Variants in WDFY3 observed in about 807,000 individuals in gnomAD.
The protein encoded by WDFY3 is WD repeat and FYVE domain containing 3.
WDFY3 carries 66 observed loss-of-function variants against 409.6 expected under a neutral mutation model. The ratio of observed to expected loss-of-function variants is 0.16; its 90% CI spans 0.13 to 0.20. The LOEUF (loss-of-function observed/expected upper bound fraction) is 0.20, where lower values mean the gene tolerates loss of function less well. Ranked by LOEUF, WDFY3 falls within the 10% of genes least tolerant of loss-of-function variation. WDFY3 has a pLI of 1.00. For synonymous variants in WDFY3, 1,521 were observed against 1,537.1 expected, an observed-to-expected ratio of 0.99 and a Z score of 0.25; for missense variants, 3,031 against 4,298.1, an observed-to-expected ratio of 0.71 and a Z score of 8.24.
At chr4:84,949,958 T>C (rs768364310) in intron 1 of WDFY3, among the ~76,000 whole-genome samples, 2 of 152,214 alleles carry the variant, frequency 1.3e-5, no homozygotes, top group African/African-American at 4.8e-5. Flanking sequence ...CGTATGTTTA[T>C]TGCAGCACTA....
chr4:84,863,913 T>C (rs1426132721), intron 3 of WDFY3, among the ~76,000 whole-genome samples: 1 of 152,194 alleles, frequency 6.6e-6, no homozygotes, highest in Non-Finnish European at 1.5e-5. Flanking sequence ...TCTGTTTTCA[T>C]GCCAGTACCA....
intron 3 of WDFY3, among the ~76,000 whole-genome samples, chr4:84,884,563 T>C (rs917943913): frequency 2.0e-5 from 3 of 152,154 alleles, no homozygotes; most frequent in Non-Finnish European, 4.4e-5. Flanking sequence ...AATACATATA[T>C]CTCAAGGATC....
chr4:84,673,959 A>C, intron 67 of WDFY3, among the ~76,000 whole-genome samples: 1 of 152,138 alleles, frequency 6.6e-6, no homozygotes, highest in East Asian at 1.9e-4. Flanking sequence ...CTACCAGTAA[A>C]AATGTCCAGA....
intron 23 of WDFY3, 42 bp from the exon 24 acceptor site, chr4:84,786,181 C>T: frequency 6.5e-7 from 1 of 1,535,892 alleles, no homozygotes; most frequent in Non-Finnish European, 8.7e-7. Flanking sequence ...ATCAGTAGTT[C>T]TCATCTTAAA....
chr4:84,874,009 G>A (rs1762454485), intron 3 of WDFY3, among the ~76,000 whole-genome samples: 1 of 151,612 alleles, frequency 6.6e-6, no homozygotes, highest in African/African-American at 2.4e-5. Context: ...TCGCACTCCT[G>A]GACTCAAGCA....
chr4:84,934,533 A>G (rs1355118877), intron 1 of WDFY3, among the ~76,000 whole-genome samples: 4 of 152,170 alleles, frequency 2.6e-5, no homozygotes, highest in African/African-American at 7.2e-5. Context: ...GAAAGCTTTA[A>G]AACAAGATAA....
chr4:84,847,708 AG>A (rs1758282952), intron 5 of WDFY3, among the ~76,000 whole-genome samples: 1 of 136,830 alleles, frequency 7.3e-6, no homozygotes, highest in East Asian at 2.5e-4. Context: ...CAGGAGGCAG[AG>A]GTTGCAGTGA....
chr4:84,907,240 C>G (rs996486004), intron 2 of WDFY3, among the ~76,000 whole-genome samples: 7 of 152,100 alleles, frequency 4.6e-5, no homozygotes, highest in Admixed American at 3.9e-4. Context: ...AATTAATCCC[C>G]TCTTAATTAT....
intron 4 of WDFY3, among the ~76,000 whole-genome samples, chr4:84,858,383 G>C (rs565373025): frequency 6.6e-6 from 1 of 152,070 alleles, no homozygotes; most frequent in Non-Finnish European, 1.5e-5. Flanking sequence ...GAACACTGGA[G>C]ATTCAGTGAT....
chr4:84,752,835 T>A (rs1038399051), intron 35 of WDFY3, among the ~76,000 whole-genome samples: 1 of 152,172 alleles, frequency 6.6e-6, no homozygotes, highest in Non-Finnish European at 1.5e-5. Context: ...TTTGGGTGTG[T>A]TTTATCTATT....
chr4:84,690,486 T>C lies in WDFY3; in HGVS notation c.9363+20A>G. 1 of 1,614,100 alleles carries C rather than the reference T, an allele frequency of 6.2e-7. No individual in the cohort carries two copies. The highest frequency in any genetic ancestry group is 8.5e-7 in the Non-Finnish European group (1 of 1,179,984). ...GAGATGGACTATGTCCTTCTTGGCATTTTCTATGTTCTCTCTTACCTGTTT... is the reference window on the plus strand; with the variant it reads ...GAGATGGACTATGTCCTTCTTGGCACTTTCTATGTTCTCTCTTACCTGTTT... On this transcript the variant is annotated intron_variant, in intron 61 of 67. Coordinates refer to ENST00000295888, the MANE Select transcript of WDFY3 (RefSeq NM_014991.6).
At chr4:84,719,299 G>GT (rs1420636098) in intron 47 of WDFY3, among the ~76,000 whole-genome samples, 2 of 152,198 alleles carry the variant, frequency 1.3e-5, no homozygotes, top group Non-Finnish European at 2.9e-5. Context: ...GGCAGAAGTT[G>GT]TATTTTCCTC....
At chr4:84,738,358 A>T (rs1429829823) in intron 40 of WDFY3, among the ~76,000 whole-genome samples, 1 of 152,112 alleles carries the variant, frequency 6.6e-6, no homozygotes, top group Non-Finnish European at 1.5e-5. Context: ...GCACTTTGGG[A>T]GGCCAAGGCC....
chr4:84,894,387 A>G (rs764770648), intron 3 of WDFY3, among the ~76,000 whole-genome samples: 2 of 152,140 alleles, frequency 1.3e-5, no homozygotes, highest in Non-Finnish European at 2.9e-5. Context: ...GGCCAGGTGC[A>G]GGGGCTCATG....
At chr4:84,965,575 C>T (rs1775535096) in intron 1 of WDFY3, 1 of 152,220 alleles carries the variant, frequency 6.6e-6, no homozygotes, top group South Asian at 2.1e-4. Context: ...CTTCTTAAAT[C>T]CCGCCGTAAC....
chr4:84,960,855 TCTA>T (rs1231678709), intron 1 of WDFY3, among the ~76,000 whole-genome samples: 3 of 152,206 alleles, frequency 2.0e-5, no homozygotes, highest in Non-Finnish European at 2.9e-5. Flanking sequence ...AACCCAGTAT[TCTA>T]CTACTGAAAA....
At position 84,946,717 on chromosome 4, in the gene WDFY3, T is replaced by C. The variant is rs1049548473; in HGVS notation, c.-225-14354A>G. 5.9e-5 allele frequency among the ~76,000 whole-genome samples: 9 copies of C among 152,130 alleles called. No individual in the cohort carries two copies. The East Asian group carries it at 1.4e-3, about 23-fold the overall frequency. On this transcript the variant is annotated intron_variant, in intron 1 of 67. Coordinates refer to ENST00000295888, the MANE Select transcript of WDFY3 (RefSeq NM_014991.6). Reference sequence around the variant, plus strand: ...GAATGACCCCCAGCACCGAGGTATATTCCTAGCGCGCTATACATCATAAGT... The same window carrying C: ...GAATGACCCCCAGCACCGAGGTATACTCCTAGCGCGCTATACATCATAAGT...
chr4:84,840,148 T>TAA (rs1350741288), intron 6 of WDFY3, among the ~76,000 whole-genome samples: 1 of 152,162 alleles, frequency 6.6e-6, no homozygotes, highest in Non-Finnish European at 1.5e-5. Context: ...TAGGTAATTA[T>TAA]ACTCTGGATT....
intron 17 of WDFY3, among the ~76,000 whole-genome samples, chr4:84,800,491 G>A (rs980932517): frequency 6.6e-6 from 1 of 152,138 alleles, no homozygotes; most frequent in Non-Finnish European, 1.5e-5. Context: ...CATCCATACT[G>A]TGGAACATTA....
Sources: gnomAD v4.1 joint callset for allele counts (sites outside exome capture counted in the v4.1 genomes callset) on GRCh38, gnomAD v4.1.1 for gene constraint, MANE v1.5 for transcripts, NCBI Gene and HGNC (gene_info 2026-07-23, HGNC 2026-07-21) for gene names.